RGS6: variants seen among roughly 807,000 people sequenced by gnomAD.
RGS6 encodes the protein regulator of G-protein signaling 6.
In RGS6, 30 loss-of-function variants were observed where a neutral mutation model predicts 78.5. The ratio of observed to expected loss-of-function variants is 0.38; its 90% CI spans 0.29 to 0.52. RGS6 has a LOEUF of 0.52. Ranked by LOEUF, RGS6 falls within the 20% of genes least tolerant of loss-of-function variation. The probability of loss-of-function intolerance (pLI) is 0.85; values close to 1 mark genes in which losing one functional copy is unlikely to be tolerated. For synonymous variants in RGS6, 206 were observed against 206.0 expected, an observed-to-expected ratio of 1.00 and a Z score of 0.00; for missense variants, 495 against 609.7, an observed-to-expected ratio of 0.81 and a Z score of 1.98.
At chr14:72,175,794 T>A (rs1444541524) in intron 2 of RGS6, among the ~76,000 whole-genome samples, 1 of 152,088 alleles carries the variant, frequency 6.6e-6, no homozygotes, top group Non-Finnish European at 1.5e-5. Flanking sequence ...GCTGAAATGC[T>A]ACAGCAGCAC....
chr14:72,149,657 T>C (rs1254246547), intron 2 of RGS6, among the ~76,000 whole-genome samples: 2 of 152,132 alleles, frequency 1.3e-5, no homozygotes, highest in Admixed American at 6.5e-5. Context: ...AAATCAGATT[T>C]ATTAAATAAA....
intron 2 of RGS6, among the ~76,000 whole-genome samples, chr14:72,060,273 ATAAT>A (rs1352037839): frequency 6.6e-6 from 1 of 152,172 alleles, no homozygotes; most frequent in African/African-American, 2.4e-5. Flanking sequence ...TGTTATATAA[ATAAT>A]TTCCCTGCAA....
At chr14:72,308,122 T>C (rs1180182815) in intron 2 of RGS6, among the ~76,000 whole-genome samples, 1 of 152,260 alleles carries the variant, frequency 6.6e-6, no homozygotes, top group Non-Finnish European at 1.5e-5. Flanking sequence ...ATGATGATTT[T>C]ACTTCCCTTG....
At chr14:71,927,771 C>T (rs1367144449), upstream of RGS6, among the ~76,000 whole-genome samples, 3 of 151,700 alleles carry the variant, frequency 2.0e-5, no homozygotes, top group African/African-American at 7.3e-5. Flanking sequence ...CATTCTCCTG[C>T]CTCAGCCTCC....
chr14:72,307,573 CTG>C (rs1375326473), intron 2 of RGS6, among the ~76,000 whole-genome samples: 20 of 152,202 alleles, frequency 1.3e-4, no homozygotes, highest in African/African-American at 4.8e-4. Context: ...TACTGAGAGA[CTG>C]TTTCTGATCT....
At chr14:72,445,120 A>T (rs542234150) in intron 3 of RGS6, among the ~76,000 whole-genome samples, 1 of 152,352 alleles carries the variant, frequency 6.6e-6, no homozygotes, top group African/African-American at 2.4e-5. Flanking sequence ...TAATAAGGAA[A>T]AGGAGGAGGC....
chr14:72,074,227 C>T (rs917311431), intron 2 of RGS6, among the ~76,000 whole-genome samples: 19 of 152,300 alleles, frequency 1.2e-4, no homozygotes, highest in Admixed American at 9.2e-4. Flanking sequence ...GGCAGGGTCT[C>T]GCTCTGCCGC....
rs937450508 is a variant in RGS6, at chr14:72,417,377, A to G, written c.185-37151A>G. ...CACTCCTTCACTGTGCCAGCCAGCC[A>G]TGACAATTAAGTGCATTTGGGAGGA... On this transcript the variant is annotated intron_variant, in intron 3 of 17. Coordinates refer to ENST00000553525, the MANE Select transcript of RGS6 (RefSeq NM_001204424.2). Among the ~76,000 whole-genome samples, 5 of 152,198 alleles carry G rather than the reference A, an allele frequency of 3.3e-5. No individual in the cohort carries two copies. In the East Asian group the frequency reaches 7.7e-4, roughly 23 times the overall value.
intron 3 of RGS6, among the ~76,000 whole-genome samples, chr14:72,439,478 A>G (rs916371159): frequency 6.6e-6 from 1 of 152,246 alleles, no homozygotes; most frequent in East Asian, 1.9e-4. Context: ...GCAAAGTATC[A>G]GTGTAGATTG....
At chr14:72,435,266 TTC>T (rs2094849058) in intron 3 of RGS6, among the ~76,000 whole-genome samples, 1 of 152,206 alleles carries the variant, frequency 6.6e-6, no homozygotes, top group South Asian at 2.1e-4. Flanking sequence ...AAGAATACAT[TTC>T]TGTTGTCCTA....
At chr14:72,356,276 A>C (rs1166477304) in intron 3 of RGS6, among the ~76,000 whole-genome samples, 1 of 152,128 alleles carries the variant, frequency 6.6e-6, no homozygotes. Context: ...GTGAGTTCTC[A>C]CAAGATCTGA....
chr14:72,045,614 C>G (rs995897819), intron 2 of RGS6, among the ~76,000 whole-genome samples: 1 of 151,754 alleles, frequency 6.6e-6, no homozygotes, highest in East Asian at 1.9e-4. Context: ...GGGAAACATT[C>G]TGTAATCTTA....
intron 2 of RGS6, among the ~76,000 whole-genome samples, chr14:72,202,803 T>C (rs2041858356): frequency 6.6e-6 from 1 of 151,908 alleles, no homozygotes. Context: ...AATTGTCCGC[T>C]TCTGCTTGAA....
intron 3 of RGS6, among the ~76,000 whole-genome samples, chr14:72,390,161 G>A (rs944936331): frequency 1.4e-5 from 2 of 147,508 alleles, no homozygotes; most frequent in African/African-American, 5.1e-5. Flanking sequence ...GCAGTGGTGC[G>A]ATCTCAGCTC....
intron 2 of RGS6, among the ~76,000 whole-genome samples, chr14:72,057,309 A>T: frequency 8.7e-6 from 1 of 115,366 alleles, no homozygotes; most frequent in Admixed American, 9.5e-5. Flanking sequence ...GTGAGACTCT[A>T]TCTGAAAAAA....
At chr14:72,452,369 G>A (rs996489949) in intron 3 of RGS6, among the ~76,000 whole-genome samples, 2 of 152,126 alleles carry the variant, frequency 1.3e-5, no homozygotes, top group African/African-American at 4.8e-5. Flanking sequence ...GTTGGCGCGG[G>A]GAAACTGCAA....
rs148154873 is a variant in RGS6, at chr14:72,219,231, C to T, written c.85-132864C>T. On this transcript the variant is annotated intron_variant, in intron 2 of 17. Coordinates refer to ENST00000553525, the MANE Select transcript of RGS6 (RefSeq NM_001204424.2). Reference sequence around the variant, plus strand: ...ATGCATGCTGGGTGACCACACTGCACGTGACCATGAATGACCACAAATGAT... The same window carrying T: ...ATGCATGCTGGGTGACCACACTGCATGTGACCATGAATGACCACAAATGAT... Among the ~76,000 whole-genome samples the T allele has an allele frequency of 3.7e-4, 56 of 152,114 alleles. 1 individual carries two copies. The East Asian group carries it at 6.5e-3, about 18-fold the overall frequency.
chr14:71,988,380 C>T (rs2094812488), intron 2 of RGS6, among the ~76,000 whole-genome samples: 1 of 152,124 alleles, frequency 6.6e-6, no homozygotes, highest in Admixed American at 6.5e-5. Flanking sequence ...TAATCTGTCC[C>T]CATGCCTTTG....
At chr14:72,454,422 C>A in intron 3 of RGS6, 106 bp from the exon 4 acceptor site, 1 of 1,151,964 alleles carries the variant, frequency 8.7e-7, no homozygotes, top group Non-Finnish European at 1.3e-6. Flanking sequence ...TCCTGCTCTA[C>A]AGTGTGGACT....
Sources: allele counts gnomAD v4.1 joint callset (sites outside exome capture counted in the v4.1 genomes callset), GRCh38; gene constraint gnomAD v4.1.1; transcripts MANE v1.5; gene names NCBI Gene and HGNC (gene_info 2026-07-23, HGNC 2026-07-21).